BSN: variants seen among roughly 807,000 people sequenced by gnomAD.
BSN encodes protein bassoon.
In BSN, 57 loss-of-function variants were observed where a neutral mutation model predicts 264.8. That is an observed-to-expected ratio of 0.22 (90% confidence interval 0.17 to 0.27). The LOEUF (loss-of-function observed/expected upper bound fraction) is 0.27. Ranked by LOEUF, BSN falls within the 10% of genes least tolerant of loss-of-function variation. BSN has a pLI of 1.00. For synonymous variants in BSN, 2,059 were observed against 2,137.3 expected (o/e 0.96, Z 1.01); for missense variants, 4,615 against 5,232.5 (o/e 0.88, Z 3.64).
chr3:49,617,012 T>C (rs2052264322), intron 1 of BSN, among the ~76,000 whole-genome samples: 1 of 152,094 alleles, frequency 6.6e-6, no homozygotes, highest in South Asian at 2.1e-4. Flanking sequence ...GGCAAACAGC[T>C]CTGAGTTAAG....
intron 2 of BSN, among the ~76,000 whole-genome samples, chr3:49,633,126 ACT>A (rs985532195): frequency 1.3e-5 from 2 of 150,788 alleles, no homozygotes; most frequent in Non-Finnish European, 3.0e-5. Flanking sequence ...ACATGGAGAA[ACT>A]CTGTCTCTAC....
downstream of BSN, among the ~76,000 whole-genome samples, chr3:49,673,059 G>T (rs1214020822): frequency 4.3e-5 from 6 of 139,938 alleles, no homozygotes; most frequent in Non-Finnish European, 6.0e-5. Flanking sequence ...GATTACAGGC[G>T]TGAGCCACCG....
chr3:49,657,900 C>G lies in BSN; in HGVS notation c.8344C>G (p.Leu2782Val), dbSNP rs780872786. 4.3e-6 allele frequency: 7 copies of G among 1,613,698 alleles called. No individual in the cohort carries two copies. Among genetic ancestry groups the G allele is most frequent in the African/African-American group, 2.7e-5 (2 of 74,916 alleles). Residue 2782 changes from leucine to valine, a missense_variant, in exon 5 of 12, where the codon CTT (leucine) becomes GTT (valine). Leu to Val is a conservative substitution (Grantham distance 32, BLOSUM62 1). This residue lies in a region of BSN where 3,415 missense variants were observed against 3,866.4 expected (regional missense o/e 0.88). Transcript: ENST00000296452. ...CCTGCCTCCGGAGTCTCTCTCACAG[C>G]TTGTGAGCCGCCAGCCTCCCAAGTC... Reference protein sequence around the residue: ...AHLPPESLSQLVSRQPPKSPQ... With the variant: ...AHLPPESLSQVVSRQPPKSPQ...
chr3:49,611,454 G>T (rs2052205960), intron 1 of BSN, among the ~76,000 whole-genome samples: 1 of 152,174 alleles, frequency 6.6e-6, no homozygotes. Context: ...GCTGGCTGGG[G>T]AGCAGGAGCC....
Position 49,625,347 on chromosome 3 carries a change from C to A in BSN, c.597C>A (p.Asn199Lys). 6.4e-7 allele frequency: 1 copy of A among 1,554,838 alleles called. No homozygotes were observed. Among genetic ancestry groups the A allele is most frequent in the Non-Finnish European group, 8.7e-7 (1 of 1,152,888 alleles). The change falls in exon 2 of 12, where the codon AAC becomes AAA. Residue 199 changes from asparagine (N) to lysine (K), a missense_variant. Transcript: ENST00000296452. This position sits in a 1 kb window ranked among gnomAD's most constrained non-coding sequence, Gnocchi z 4.4. ...CCCAGTGTCACAACAAGGTCTGCAA[C>A]CAGTGTGGGTTCAACCCCAACCCTC... Reference protein sequence around the residue: ...TCTQCHNKVCNQCGFNPNPHL... With the variant: ...TCTQCHNKVCKQCGFNPNPHL...
chr3:49,634,813 A>G lies in BSN; in HGVS notation c.634-7455A>G, dbSNP rs960522425. On this transcript the variant is annotated intron_variant, in intron 2 of 11. Transcript: ENST00000296452. Reference sequence around the variant, plus strand: ...TGGTTAAAATTACAATTTAATATTTATTTTAACACACACTATATATGTGTG... The same window carrying G: ...TGGTTAAAATTACAATTTAATATTTGTTTTAACACACACTATATATGTGTG... Among the ~76,000 whole-genome samples the G allele has an allele frequency of 2.0e-5, 3 of 152,358 alleles. No individual in the cohort carries two copies. The South Asian group carries it at 6.2e-4, about 32-fold the overall frequency.
At chr3:49,624,290 C>T (rs970506539) in intron 1 of BSN, among the ~76,000 whole-genome samples, 4 of 53,884 alleles carry the variant, frequency 7.4e-5, no homozygotes, top group Admixed American at 7.2e-4. Flanking sequence ...CGTGAGCCAA[C>T]GTGCCCAGCC....
At chr3:49,618,332 A>G (rs2052277481) in intron 1 of BSN, among the ~76,000 whole-genome samples, 1 of 152,076 alleles carries the variant, frequency 6.6e-6, no homozygotes, top group Admixed American at 6.6e-5. Flanking sequence ...CCCCATCTCA[A>G]TTAAAAGGAA....
At chr3:49,592,750 C>CAA (rs773509322) in intron 1 of BSN, among the ~76,000 whole-genome samples, 4 of 112,946 alleles carry the variant, frequency 3.5e-5, no homozygotes, top group African/African-American at 9.8e-5. Flanking sequence ...GACTCCATCT[C>CAA]AAAAAAAAAA....
intron 1 of BSN, among the ~76,000 whole-genome samples, chr3:49,579,382 G>C (rs1379951366): frequency 6.6e-6 from 1 of 151,756 alleles, no homozygotes; most frequent in Non-Finnish European, 1.5e-5. Flanking sequence ...TTTAGGTATG[G>C]GTTTTTCATA....
intron 1 of BSN, among the ~76,000 whole-genome samples, chr3:49,560,380 G>A (rs1436244047): frequency 6.6e-6 from 1 of 152,216 alleles, no homozygotes; most frequent in East Asian, 1.9e-4. Flanking sequence ...ATTACTGAAT[G>A]ACTGCCTCAT....
At chr3:49,636,777 C>T (rs1379630481) in intron 2 of BSN, among the ~76,000 whole-genome samples, 1 of 152,230 alleles carries the variant, frequency 6.6e-6, no homozygotes, top group Non-Finnish European at 1.5e-5. Flanking sequence ...GCTTCCTAAG[C>T]CTGAGGTCAG....
At position 49,663,446 on chromosome 3, in the gene BSN, C is replaced by T. The variant is rs771828722; in HGVS notation, c.11288C>T (p.Ser3763Leu). ...GGACCACAGCAGTCACAGTCACCAT[C>T]ATCCAGGCAAATACCCTCTGGGGCA... ...APGPQQSQSP[S>L]SRQIPSGAAS... Residue 3763 changes from serine to leucine, a missense_variant, in exon 7 of 12, where the codon TCA becomes TTA. By Grantham distance (145) the Ser-to-Leu change is moderately radical (BLOSUM62 -2). This residue lies in a region of BSN where 3,415 missense variants were observed against 3,866.4 expected (regional missense o/e 0.88). Transcript: ENST00000296452. 6.2e-7 allele frequency: 1 copy of T among 1,612,950 alleles called. No individual in the cohort carries two copies. The highest frequency in any genetic ancestry group is 1.3e-5 in the African/African-American group (1 of 74,960).
At position 49,605,515 on chromosome 3, in the gene BSN, T is replaced by TATA. The variant is rs2052115461; in HGVS notation, c.225-19459_225-19457dup. The stretch of plus-strand genomic sequence containing the variant: ...ATTATATATAATATATATTATATAA[T>TATA]ATATATATAATATATAATATATATT... On this transcript the variant is annotated intron_variant, in intron 1 of 11. Transcript: ENST00000296452. Among the ~76,000 whole-genome samples the TATA allele has an allele frequency of 3.4e-3, 12 of 3,524 alleles. 1 individual carries two copies. Among genetic ancestry groups the TATA allele is most frequent in the Middle Eastern group, 0.17 (1 of 6 alleles). The allele number at this position is 3,524 out of a possible 152,430, so 2.3% of individuals were successfully genotyped here. A position where few individuals can be genotyped will look rare whatever the true frequency, so the allele number is the denominator to read the frequency against.
chr3:49,569,960 G>T (rs542378136), intron 1 of BSN, among the ~76,000 whole-genome samples: 4 of 152,328 alleles, frequency 2.6e-5, no homozygotes, highest in Non-Finnish European at 5.9e-5. Flanking sequence ...CAGGTCTGGG[G>T]CTGCTGCTCT....
intron 1 of BSN, among the ~76,000 whole-genome samples, chr3:49,568,908 G>T (rs1342958310): frequency 6.6e-6 from 1 of 152,232 alleles, no homozygotes; most frequent in Non-Finnish European, 1.5e-5. Context: ...TAATATTCAG[G>T]CATGAGAGGA....
Position 49,642,197 on chromosome 3 carries a change from C to T in BSN, c.634-71C>T, listed in dbSNP as rs556346299. 82 of 1,283,326 alleles carry T rather than the reference C, an allele frequency of 6.4e-5. 2 individuals are homozygous for T. In the South Asian group the frequency reaches 1.3e-3, roughly 21 times the overall value. 79.5% of individuals were successfully genotyped at this position (1,283,326 alleles called of 1,614,324 possible). A position where few individuals can be genotyped will look rare whatever the true frequency, so the allele number is the denominator to read the frequency against. On this transcript the variant is annotated intron_variant, in intron 2 of 11. Transcript: ENST00000296452. This position sits in a 1 kb window ranked among gnomAD's most constrained non-coding sequence, Gnocchi z 7.0. ...AGGAGTGGCCTTGGCTGCTGTGGGG[C>T]CTGCACTGACCTGGGCCATGAGTAC... is the stretch of plus-strand genomic sequence containing the variant.
chr3:49,583,835 T>A (rs2051913042), intron 1 of BSN, among the ~76,000 whole-genome samples: 1 of 152,158 alleles, frequency 6.6e-6, no homozygotes, highest in African/African-American at 2.4e-5. Context: ...TAAGGATGTG[T>A]GGTTGTTCAT....
Position 49,625,056 on chromosome 3 carries a change from C to T in BSN, c.306C>T (p.Thr102=), listed in dbSNP as rs202059142. The change falls in exon 2 of 12, where the codon ACC becomes ACT. Residue 102 remains threonine, a synonymous_variant. Transcript: ENST00000296452. This position sits in a 1 kb window ranked among gnomAD's most constrained non-coding sequence, Gnocchi z 4.4. ...CAACTCCGAAGCAGGCTTCTGCTAC[C>T]ACTCCTGGCCATGAGAGCCCCCGAG... ...ASPTPKQASA[T]TPGHESPRET... 5.6e-6 allele frequency: 9 copies of T among 1,598,526 alleles called. No homozygotes were observed. The highest frequency in any genetic ancestry group is 7.7e-6 in the Non-Finnish European group (9 of 1,174,134).
Sources: allele counts gnomAD v4.1 joint callset (sites outside exome capture counted in the v4.1 genomes callset), GRCh38; gene constraint gnomAD v4.1.1; regional missense constraint gnomAD v4.1.1; non-coding constraint Gnocchi (gnomAD v3.1); transcripts MANE v1.5; gene names NCBI Gene and HGNC (gene_info 2026-07-23, HGNC 2026-07-21).